KCNH1: variants seen among roughly 807,000 people sequenced by gnomAD.
KCNH1 encodes voltage-gated delayed rectifier potassium channel KCNH1.
A neutral mutation model predicts 69.2 loss-of-function variants in KCNH1; 27 were observed. That is an observed-to-expected ratio of 0.39 (90% CI 0.29 to 0.54). The LOEUF (loss-of-function observed/expected upper bound fraction) is 0.54, where lower values mean the gene tolerates loss of function less well. Among genes scored for constraint, KCNH1 ranks in the 20% least tolerant of loss-of-function variants. KCNH1 has a pLI of 0.68. For synonymous variants in KCNH1, 456 were observed against 487.7 expected (o/e 0.93, Z 0.86); for missense variants, 798 against 1,261.6 (o/e 0.63, Z 5.57).
At chr1:211,048,964 A>G (rs1041744710) in intron 5 of KCNH1, among the ~76,000 whole-genome samples, 1 of 152,222 alleles carries the variant, frequency 6.6e-6, no homozygotes, top group African/African-American at 2.4e-5. Context: ...TTCCTCAAGG[A>G]TCAGAGACCA....
intron 6 of KCNH1, among the ~76,000 whole-genome samples, chr1:210,993,144 C>T (rs1050388538): frequency 6.6e-6 from 1 of 152,114 alleles, no homozygotes; most frequent in Non-Finnish European, 1.5e-5. Flanking sequence ...ACAATTATAA[C>T]GATTAGAAAT....
chr1:211,000,504 A>C (rs1040780044), intron 6 of KCNH1, among the ~76,000 whole-genome samples: 3 of 152,204 alleles, frequency 2.0e-5, no homozygotes, highest in Non-Finnish European at 4.4e-5. Context: ...TGCTCAATGA[A>C]ATAAAAGAGG....
In KCNH1 at chr1:210,797,731, T is replaced by G. The variant is rs748660025; in HGVS notation, c.1692A>C (p.Arg564Ser). 2 of 1,613,884 alleles carry G rather than the reference T, an allele frequency of 1.2e-6. No homozygotes were observed. Among genetic ancestry groups the G allele is most frequent in the South Asian group, 2.2e-5 (2 of 91,070 alleles). Residue 564 changes from arginine to serine, a missense_variant, in exon 9 of 11, where the codon AGA becomes AGC. Around this residue, in one of 4 missense-constraint regions of KCNH1, gnomAD observed 197 missense variants for 407.7 expected, o/e 0.48. Coordinates refer to ENST00000271751, the MANE Select transcript of KCNH1 (RefSeq NM_172362.3). ...KVLQICPKDM[R>S]ADICVHLNRK... is the part of the protein sequence containing the mutation. ...GGTTCAGGTGCACGCAGATGTCGGC[T>G]CTCATGTCCTTGGGGCAGATCTGCA...
chr1:210,703,405 GA>G (rs1301652718), intron 10 of KCNH1, among the ~76,000 whole-genome samples: 31 of 152,170 alleles, frequency 2.0e-4, no homozygotes, highest in Non-Finnish European at 2.9e-5. Context: ...AGGATGTGGG[GA>G]AACAAGCCTT....
chr1:210,697,365 T>C (rs1681667045), intron 10 of KCNH1, among the ~76,000 whole-genome samples: 1 of 152,232 alleles, frequency 6.6e-6, no homozygotes, highest in African/African-American at 2.4e-5. Context: ...TATGCTAAAC[T>C]GTGACTGCTG....
At chr1:211,061,629 T>C (rs1690434648) in intron 5 of KCNH1, among the ~76,000 whole-genome samples, 1 of 151,944 alleles carries the variant, frequency 6.6e-6, no homozygotes, top group East Asian at 1.9e-4. Flanking sequence ...AGTTGCAGGA[T>C]AGAAAATCAA....
chr1:211,116,457 T>C (rs1691584308), intron 1 of KCNH1, among the ~76,000 whole-genome samples: 1 of 152,184 alleles, frequency 6.6e-6, no homozygotes, highest in South Asian at 2.1e-4. Flanking sequence ...TCTATTTTGA[T>C]AAAGAGTTTT....
chr1:211,032,443 G>A (rs542803468), intron 5 of KCNH1, among the ~76,000 whole-genome samples: 5 of 151,946 alleles, frequency 3.3e-5, no homozygotes, highest in South Asian at 2.1e-4. Context: ...AAAAAGAGCC[G>A]GCATTGCCAA....
At chr1:210,986,823 G>A (rs1426783087) in intron 6 of KCNH1, among the ~76,000 whole-genome samples, 1 of 152,156 alleles carries the variant, frequency 6.6e-6, no homozygotes, top group Non-Finnish European at 1.5e-5. Context: ...GAATTTGAAT[G>A]TTGGCCTGTC....
intron 6 of KCNH1, among the ~76,000 whole-genome samples, chr1:211,015,266 C>G (rs1425923585): frequency 6.6e-6 from 1 of 152,180 alleles, no homozygotes; most frequent in Non-Finnish European, 1.5e-5. Flanking sequence ...AGTTTTGACT[C>G]AACTGTCCTT....
Position 210,772,322 on chromosome 1 carries a change from A to G in KCNH1, c.2112+3026T>C, listed in dbSNP as rs1683768240. 2.0e-5 allele frequency among the ~76,000 whole-genome samples: 3 copies of G among 152,202 alleles called. No homozygotes were observed. In the South Asian group the frequency reaches 6.2e-4, roughly 31 times the overall value. On this transcript the variant is annotated intron_variant, in intron 10 of 10. Transcript: ENST00000271751. ...TGTGTTGTCAAGAATCTTAGCAAAT[A>G]AAACACTTAATTTTGCCAAGATAGA...
intron 5 of KCNH1, among the ~76,000 whole-genome samples, chr1:211,043,139 A>C (rs1690029588): frequency 6.6e-6 from 1 of 152,198 alleles, no homozygotes; most frequent in Non-Finnish European, 1.5e-5. Flanking sequence ...TGAAACAAAC[A>C]AACAAAAAGA....
At chr1:211,106,214 G>A (rs1407187311) in intron 2 of KCNH1, among the ~76,000 whole-genome samples, 1 of 152,226 alleles carries the variant, frequency 6.6e-6, no homozygotes, top group Non-Finnish European at 1.5e-5. Context: ...AGACTGAGAG[G>A]AGCCAAAAGG....
chr1:210,715,513 T>TAAAC (rs1356559666), intron 10 of KCNH1, among the ~76,000 whole-genome samples: 1 of 117,870 alleles, frequency 8.5e-6, no homozygotes, highest in African/African-American at 3.2e-5. Flanking sequence ...TTTTAAAAAT[T>TAAAC]AAACAAAAAA....
At chr1:210,759,524 T>C (rs1490005483) in intron 10 of KCNH1, among the ~76,000 whole-genome samples, 2 of 151,992 alleles carry the variant, frequency 1.3e-5, no homozygotes, top group Non-Finnish European at 2.9e-5. Flanking sequence ...CAAAATATAG[T>C]AGGAAGCCTT....
At chr1:210,707,343 C>T (rs542266921) in intron 10 of KCNH1, among the ~76,000 whole-genome samples, 1 of 152,274 alleles carries the variant, frequency 6.6e-6, no homozygotes, top group South Asian at 2.1e-4. Flanking sequence ...CTGTCAAGCA[C>T]ACAGACAGTC....
chr1:211,108,627 C>CT (rs1406395309), intron 1 of KCNH1: 1 of 152,118 alleles, frequency 6.6e-6, no homozygotes. Context: ...AAGACAGGGC[C>CT]TGAGAGGAGA....
At chr1:211,062,853 T>C (rs746408418) in intron 5 of KCNH1, among the ~76,000 whole-genome samples, 14 of 151,980 alleles carry the variant, frequency 9.2e-5, no homozygotes, top group Non-Finnish European at 1.9e-4. Flanking sequence ...CATAAACTCT[T>C]GTTAGAAATG....
intron 7 of KCNH1, among the ~76,000 whole-genome samples, chr1:210,820,348 C>T (rs1260420209): frequency 6.6e-6 from 1 of 152,062 alleles, no homozygotes; most frequent in Non-Finnish European, 1.5e-5. Context: ...GTAGAAGGAA[C>T]TTTGTGGCCG....
Sources: allele counts gnomAD v4.1 joint callset (sites outside exome capture counted in the v4.1 genomes callset), GRCh38; gene constraint gnomAD v4.1.1; regional missense constraint gnomAD v4.1.1; transcripts MANE v1.5; gene names NCBI Gene and HGNC (gene_info 2026-07-23, HGNC 2026-07-21).